PCDH9: variants seen among roughly 807,000 people sequenced by gnomAD.
The protein encoded by PCDH9 is protocadherin-9.
A neutral mutation model predicts 70.6 loss-of-function variants in PCDH9; 24 were observed. The observed-to-expected ratio is 0.34, with a 90% CI of 0.25 to 0.48. PCDH9 has a LOEUF of 0.48. PCDH9 is among the 20% of genes least tolerant of loss of function. The pLI is 0.99. For missense variants in PCDH9, 1,281 were observed against 1,503.6 expected, an observed-to-expected ratio of 0.85 and a Z score of 2.45; for synonymous variants, 562 against 558.5, an observed-to-expected ratio of 1.01 and a Z score of -0.09.
intron 2 of PCDH9, chr13:67,208,851 T>C (rs768790654): frequency 5.3e-5 from 8 of 152,184 alleles, no homozygotes; most frequent in Non-Finnish European, 1.2e-4. Flanking sequence ...AACAGCACCA[T>C]GTTTGCTGCC....
chr13:66,787,550 A>G lies in PCDH9; in HGVS notation c.3138+115954T>C, dbSNP rs919039763. On this transcript the variant is annotated intron_variant, in intron 3 of 4. Transcript: ENST00000377865. Reference sequence around the variant, plus strand: ...AGAATTGCTTAAACCCAGAGGACGGAGGCTGCAGTGAGCTGAGATCACACC... The same window carrying G: ...AGAATTGCTTAAACCCAGAGGACGGGGGCTGCAGTGAGCTGAGATCACACC... Among the ~76,000 whole-genome samples the G allele has an allele frequency of 2.6e-5, 4 of 152,158 alleles. 1 individual carries two copies. The highest frequency in any genetic ancestry group is 2.6e-4 in the Admixed American group (4 of 15,246).
At chr13:66,603,063 A>T (rs2077182036) in intron 4 of PCDH9, among the ~76,000 whole-genome samples, 1 of 146,052 alleles carries the variant, frequency 6.8e-6, no homozygotes, top group Admixed American at 6.9e-5. Flanking sequence ...GACCAAAATC[A>T]TCTAAGGATA....
chr13:67,219,010 T>C (rs1361671505), intron 2 of PCDH9: 10 of 152,092 alleles, frequency 6.6e-5, no homozygotes, highest in African/African-American at 9.6e-5. Flanking sequence ...ATGAATGACT[T>C]TGAGTTCTGC....
At chr13:66,525,409 TC>T (rs1261250101) in intron 4 of PCDH9, among the ~76,000 whole-genome samples, 3 of 152,228 alleles carry the variant, frequency 2.0e-5, no homozygotes, top group African/African-American at 7.2e-5. Flanking sequence ...TCCAATTTCC[TC>T]TTTCCTTCCC....
At chr13:66,685,413 C>G (rs2078386951) in intron 3 of PCDH9, among the ~76,000 whole-genome samples, 1 of 152,200 alleles carries the variant, frequency 6.6e-6, no homozygotes, top group South Asian at 2.1e-4. Context: ...CACCTATATC[C>G]CAGAGGATGT....
At chr13:66,749,837 T>A (rs2079429624) in intron 3 of PCDH9, among the ~76,000 whole-genome samples, 1 of 152,174 alleles carries the variant, frequency 6.6e-6, no homozygotes, top group Admixed American at 6.6e-5. Context: ...TCACAGAGAC[T>A]TGACACTGCT....
intron 2 of PCDH9, among the ~76,000 whole-genome samples, chr13:67,026,544 G>C (rs2084785668): frequency 6.6e-6 from 1 of 152,008 alleles, no homozygotes; most frequent in South Asian, 2.1e-4. Flanking sequence ...ATTCAACATA[G>C]TGTTGGAAGT....
intron 2 of PCDH9, among the ~76,000 whole-genome samples, chr13:66,997,471 A>G (rs1031631967): frequency 1.3e-5 from 2 of 151,794 alleles, no homozygotes; most frequent in Admixed American, 6.6e-5. Flanking sequence ...TGACCCAGAC[A>G]CCACCCATTA....
chr13:66,692,948 C>G (rs774852953), intron 3 of PCDH9, among the ~76,000 whole-genome samples: 1 of 151,892 alleles, frequency 6.6e-6, no homozygotes, highest in Admixed American at 6.6e-5. Context: ...ATACAAGGAA[C>G]AAAATAGGAA....
At chr13:67,186,627 T>C (rs1423465380) in intron 2 of PCDH9, among the ~76,000 whole-genome samples, 1 of 152,084 alleles carries the variant, frequency 6.6e-6, no homozygotes, top group Non-Finnish European at 1.5e-5. Flanking sequence ...ACTAGGATGA[T>C]TAAAGTAAGG....
At position 66,759,557 on chromosome 13, in the gene PCDH9, T is replaced by C. The variant is rs191702805; in HGVS notation, c.3139-128146A>G. On this transcript the variant is annotated intron_variant, in intron 3 of 4. Coordinates refer to ENST00000377865, the MANE Select transcript of PCDH9 (RefSeq NM_203487.3). ...TTTTCTAGTTATTTTAGAGATCTTT[T>C]TTCTTTCTTCCTCTCTTGTTTCTTT... Among the ~76,000 whole-genome samples the C allele has an allele frequency of 3.1e-3, 476 of 152,248 alleles. 5 individuals are homozygous for C. Among genetic ancestry groups the C allele is most frequent in the South Asian group, 8.1e-3 (39 of 4,828 alleles).
chr13:66,773,366 C>T (rs1434645806), intron 3 of PCDH9, among the ~76,000 whole-genome samples: 2 of 152,090 alleles, frequency 1.3e-5, no homozygotes, highest in East Asian at 3.9e-4. Flanking sequence ...CGGTGGCTCA[C>T]GCCTGTAATC....
In PCDH9 at chr13:67,085,474, T is replaced by C. The variant is rs546229666; in HGVS notation, c.3036+139931A>G. Among the ~76,000 whole-genome samples the C allele has an allele frequency of 6.6e-5, 10 of 152,336 alleles. No individual in the cohort carries two copies. The East Asian group carries it at 1.5e-3, about 23-fold the overall frequency. On this transcript the variant is annotated intron_variant, in intron 2 of 4. Transcript: ENST00000377865. ...GCAAGTATTTACAAGGGAAGTGTTA[T>C]AAAATGAATTCATTTTCATCACTTA...
At chr13:67,053,292 C>G (rs753146638) in intron 2 of PCDH9, among the ~76,000 whole-genome samples, 8 of 152,152 alleles carry the variant, frequency 5.3e-5, no homozygotes, top group Non-Finnish European at 1.0e-4. Flanking sequence ...TACTTTTGCT[C>G]TATCCTCCAG....
At position 66,982,572 on chromosome 13, in the gene PCDH9, G is replaced by A. The variant is rs187292380; in HGVS notation, c.3037-78967C>T. ...CTGTCTTCAAGCCCTACCTACCCCG[G>A]GTTCTCCTGGAATGAGGATCACTCC... On this transcript the variant is annotated intron_variant, in intron 2 of 4. Coordinates refer to ENST00000377865, the MANE Select transcript of PCDH9 (RefSeq NM_203487.3). Among the ~76,000 whole-genome samples the A allele has an allele frequency of 3.3e-5, 5 of 152,122 alleles. No homozygotes were observed. In the East Asian group the frequency reaches 9.7e-4, roughly 29 times the overall value.
At chr13:66,834,157 CTTT>C (rs11431335) in intron 3 of PCDH9, among the ~76,000 whole-genome samples, 3 of 124,548 alleles carry the variant, frequency 2.4e-5, no homozygotes, top group East Asian at 2.3e-4. Context: ...TACCTATGGT[CTTT>C]TTTTTTTTTT....
chr13:66,931,554 T>C (rs1302147035), intron 2 of PCDH9, among the ~76,000 whole-genome samples: 2 of 152,132 alleles, frequency 1.3e-5, no homozygotes, highest in Non-Finnish European at 2.9e-5. Context: ...CTGAAGTTAA[T>C]GATATTTGAG....
intron 4 of PCDH9, among the ~76,000 whole-genome samples, chr13:66,309,792 TTTTG>T (rs1402801547): frequency 1.3e-5 from 2 of 151,656 alleles, no homozygotes; most frequent in African/African-American, 4.8e-5. Flanking sequence ...TGTTTTCAGA[TTTTG>T]TTTGTGTGTG....
chr13:67,181,116 C>A (rs1406292425), intron 2 of PCDH9, among the ~76,000 whole-genome samples: 2 of 152,060 alleles, frequency 1.3e-5, no homozygotes, highest in Non-Finnish European at 2.9e-5. Flanking sequence ...TAGGTGCGGT[C>A]CTCTATAAAA....
Sources: gnomAD v4.1 joint callset for allele counts (sites outside exome capture counted in the v4.1 genomes callset) on GRCh38, gnomAD v4.1.1 for gene constraint, MANE v1.5 for transcripts, NCBI Gene and HGNC (gene_info 2026-07-23, HGNC 2026-07-21) for gene names.